Variants in ACTR3C observed in about 807,000 individuals in gnomAD.
ACTR3C encodes the protein actin related protein 3C.
ACTR3C carries 18 observed loss-of-function variants against 26.3 expected under a neutral mutation model. The observed-to-expected ratio is 0.68, with a 90% CI of 0.47 to 1.01. ACTR3C has a LOEUF of 1.01. Among genes scored for constraint, ACTR3C ranks in the 50% least tolerant of loss-of-function variants. The pLI is 0.00. For missense variants in ACTR3C, 184 were observed against 250.7 expected, an observed-to-expected ratio of 0.73 and a Z score of 1.80; for synonymous variants, 55 against 94.5, an observed-to-expected ratio of 0.58 and a Z score of 2.42.
the ACTR3C span, among the ~76,000 whole-genome samples, chr7:150,017,657 T>C: frequency 6.7e-6 from 1 of 149,466 alleles, no homozygotes; most frequent in Non-Finnish European, 1.5e-5. Flanking sequence ...TTTTCCAGCC[T>C]CTGCCCACAA....
chr7:149,900,384 C>T, the ACTR3C span, among the ~76,000 whole-genome samples: 17 of 152,156 alleles, frequency 1.1e-4, no homozygotes, highest in East Asian at 3.3e-3. Flanking sequence ...ACCATGTTGG[C>T]CAGGATGGTC....
At chr7:150,033,461 C>T in the ACTR3C span, among the ~76,000 whole-genome samples, 3 of 152,338 alleles carry the variant, frequency 2.0e-5, no homozygotes, top group Admixed American at 6.5e-5. Context: ...CACCTGCCGT[C>T]GGAAGATTTG....
At chr7:150,024,428 C>T in the ACTR3C span, among the ~76,000 whole-genome samples, 7 of 150,302 alleles carry the variant, frequency 4.7e-5, no homozygotes, top group African/African-American at 1.7e-4. Context: ...CTGTGCCAGA[C>T]AACCATACAC....
the ACTR3C span, among the ~76,000 whole-genome samples, chr7:150,038,724 A>C: frequency 7.2e-6 from 1 of 138,568 alleles, no homozygotes; most frequent in Admixed American, 7.1e-5. Context: ...GTGGGTCCTA[A>C]GGATCTTAGG....
At chr7:149,896,785 C>A in the ACTR3C span, among the ~76,000 whole-genome samples, 1 of 151,844 alleles carries the variant, frequency 6.6e-6, no homozygotes, top group Non-Finnish European at 1.5e-5. Context: ...TAAGGCTGGG[C>A]GCGGTGGCTC....
the ACTR3C span, among the ~76,000 whole-genome samples, chr7:149,883,649 T>C: frequency 6.6e-6 from 1 of 152,166 alleles, no homozygotes; most frequent in Non-Finnish European, 1.5e-5. Flanking sequence ...ATCTGCGCAT[T>C]GCTGGGGGTG....
chr7:150,141,756 A>G, the ACTR3C span, among the ~76,000 whole-genome samples: 1 of 152,138 alleles, frequency 6.6e-6, no homozygotes, highest in East Asian at 1.9e-4. Flanking sequence ...GGTAAAGATT[A>G]TTACTACAAG....
chr7:149,992,195 C>A, the ACTR3C span, among the ~76,000 whole-genome samples: 2 of 152,266 alleles, frequency 1.3e-5, no homozygotes, highest in Non-Finnish European at 2.9e-5. Flanking sequence ...AGGTCCAGAG[C>A]CGAAGGGTCC....
the ACTR3C span, among the ~76,000 whole-genome samples, chr7:150,101,349 G>A: frequency 6.6e-6 from 1 of 151,630 alleles, no homozygotes; most frequent in African/African-American, 2.4e-5. Context: ...TGCTTGCAGG[G>A]TAAGTGACCT....
the ACTR3C span, among the ~76,000 whole-genome samples, chr7:149,883,199 A>G: frequency 1.3e-5 from 2 of 152,220 alleles, no homozygotes; most frequent in Non-Finnish European, 2.9e-5. Flanking sequence ...AAGGGTGGCC[A>G]GGTGGTCCCA....
chr7:149,927,430 TAA>T, the ACTR3C span, among the ~76,000 whole-genome samples: 5,100 of 133,092 alleles, frequency 0.038, 302 homozygotes, highest in African/African-American at 0.13. Context: ...AATGACTATT[TAA>T]AAAAAAAAAA....
At chr7:149,983,918 G>A in the ACTR3C span, among the ~76,000 whole-genome samples, 5 of 152,116 alleles carry the variant, frequency 3.3e-5, no homozygotes, top group Non-Finnish European at 7.3e-5. Flanking sequence ...AAAGCAGGCA[G>A]ACTTGTACAG....
At chr7:149,993,497 G>C in the ACTR3C span, among the ~76,000 whole-genome samples, 1 of 152,146 alleles carries the variant, frequency 6.6e-6, no homozygotes, top group African/African-American at 2.4e-5. Context: ...TGTTTTAGGA[G>C]AACCTAATGC....
the ACTR3C span, among the ~76,000 whole-genome samples, chr7:150,006,420 A>C: frequency 6.8e-6 from 1 of 147,522 alleles, no homozygotes; most frequent in Non-Finnish European, 1.5e-5. Context: ...GATGGTCTCG[A>C]TCTCCTGACT....
chr7:150,196,215 T>TG, the ACTR3C span, among the ~76,000 whole-genome samples: 24 of 152,270 alleles, frequency 1.6e-4, 1 homozygote, highest in Admixed American at 1.5e-3. Flanking sequence ...CTCAAATCTT[T>TG]GTCATACTTT....
chr7:150,253,341 G>A (rs1328964491), intron 6 of ACTR3C, among the ~76,000 whole-genome samples: 1 of 152,112 alleles, frequency 6.6e-6, no homozygotes, highest in East Asian at 1.9e-4. Context: ...CCAGTCTCAG[G>A]TGCAAATGGC....
the ACTR3C span, among the ~76,000 whole-genome samples, chr7:149,931,449 G>A: frequency 6.6e-6 from 1 of 152,168 alleles, no homozygotes; most frequent in Non-Finnish European, 1.5e-5. Flanking sequence ...GCTCACAGGT[G>A]AGATGCAGGG....
intron 6 of ACTR3C, chr7:150,264,750 G>C: frequency 5.1e-6 from 5 of 974,074 alleles, no homozygotes; most frequent in Non-Finnish European, 6.1e-6. Context: ...TCACCAACCA[G>C]GTCGACCACT....
chr7:150,223,762 A>T, the ACTR3C span, among the ~76,000 whole-genome samples: 2 of 152,214 alleles, frequency 1.3e-5, no homozygotes, highest in Non-Finnish European at 2.9e-5. Context: ...AACAAAGCAC[A>T]TCTATTGTCT....
Sources: allele counts gnomAD v4.1 joint callset (sites outside exome capture counted in the v4.1 genomes callset), GRCh38; gene constraint gnomAD v4.1.1; transcripts MANE v1.5; gene names NCBI Gene and HGNC (gene_info 2026-07-23, HGNC 2026-07-21).